The following TMEM178B variants were observed in gnomAD, a reference collection of about 807,000 sequenced individuals.
TMEM178B encodes transmembrane protein 178B.
In TMEM178B, 5 loss-of-function variants were observed where a neutral mutation model predicts 31.0. That is an observed-to-expected ratio of 0.16 (90% confidence interval 0.08 to 0.34). TMEM178B has a LOEUF of 0.34. TMEM178B is among the 10% of genes least tolerant of loss of function. The probability of loss-of-function intolerance (pLI) is 1.00; values close to 1 mark genes in which losing one functional copy is unlikely to be tolerated. For missense variants in TMEM178B, 275 were observed against 400.3 expected (o/e 0.69, Z 2.67); for synonymous variants, 164 against 164.0 (o/e 1.00, Z 0.00).
At chr7:141,356,328 C>T (rs1242869058) in intron 2 of TMEM178B, among the ~76,000 whole-genome samples, 3 of 152,028 alleles carry the variant, frequency 2.0e-5, no homozygotes, top group African/African-American at 7.2e-5. Context: ...AGTTTACATT[C>T]CCACAAATAG....
intron 1 of TMEM178B, among the ~76,000 whole-genome samples, chr7:141,083,813 G>A (rs1794731377): frequency 6.6e-6 from 1 of 151,862 alleles, no homozygotes; most frequent in Non-Finnish European, 1.5e-5. Context: ...ACACTCAATA[G>A]AGAAAGGAAC....
At chr7:141,258,764 T>G (rs1031698192) in intron 2 of TMEM178B, among the ~76,000 whole-genome samples, 7 of 152,226 alleles carry the variant, frequency 4.6e-5, no homozygotes, top group African/African-American at 1.4e-4. Context: ...CTTTCTTTCT[T>G]TCAGCCTTTA....
intron 2 of TMEM178B, among the ~76,000 whole-genome samples, chr7:141,424,236 A>G (rs182056329): frequency 1.3e-5 from 2 of 152,298 alleles, no homozygotes; most frequent in Admixed American, 1.3e-4. Context: ...ACGTCACTGA[A>G]AGCATCACAT....
chr7:141,156,530 T>C (rs1171671814), intron 1 of TMEM178B, among the ~76,000 whole-genome samples: 1 of 152,162 alleles, frequency 6.6e-6, no homozygotes, highest in African/African-American at 2.4e-5. Flanking sequence ...GATGGACACC[T>C]TGAAAGATGA....
At position 141,339,215 on chromosome 7, in the gene TMEM178B, G is replaced by T. The variant is rs372806466; in HGVS notation, c.497-98393G>T. On this transcript the variant is annotated intron_variant, in intron 2 of 3. Coordinates refer to ENST00000565468, the MANE Select transcript of TMEM178B (RefSeq NM_001195278.2). ...CTTGTCCCTGAGGAGTGGAAAGATGGCCCTTCCAAGGGATGGTGTCTGCAG... is the reference window on the plus strand; with the variant it reads ...CTTGTCCCTGAGGAGTGGAAAGATGTCCCTTCCAAGGGATGGTGTCTGCAG... 1.4e-4 allele frequency among the ~76,000 whole-genome samples: 21 copies of T among 152,342 alleles called. No homozygotes were observed. In the South Asian group the frequency reaches 3.9e-3, roughly 29 times the overall value.
the TMEM178B span, among the ~76,000 whole-genome samples, chr7:141,510,685 C>CAAAAAAAAAAAAAAA: frequency 4.8e-3 from 120 of 24,962 alleles, 24 homozygotes; most frequent in Non-Finnish European, 6.1e-3. Context: ...AACTCCGTCT[C>CAAAAAAAAAAAAAAA]AAAAAAAAAA....
chr7:141,484,262 G>A (rs909698905), downstream of TMEM178B, among the ~76,000 whole-genome samples: 2 of 152,190 alleles, frequency 1.3e-5, no homozygotes, highest in African/African-American at 2.4e-5. This position sits in a 1 kb window ranked among gnomAD's most constrained non-coding sequence, Gnocchi z 4.8. Flanking sequence ...CAGGAGAGGA[G>A]AAAATCTGGG....
intron 2 of TMEM178B, among the ~76,000 whole-genome samples, chr7:141,404,108 ATCC>A (rs1800837265): frequency 6.6e-6 from 1 of 152,178 alleles, no homozygotes; most frequent in Non-Finnish European, 1.5e-5. Context: ...GCTCGAGACC[ATCC>A]TGGCTAACAT....
At chr7:141,437,883 A>G (rs1801578111) in intron 3 of TMEM178B, 138 bp downstream of exon 3, 1 of 1,282,074 alleles carries the variant, frequency 7.8e-7, no homozygotes. Flanking sequence ...TTGGTTCACA[A>G]GCACTTCTTG....
At chr7:141,140,536 G>A (rs1795752851) in intron 1 of TMEM178B, among the ~76,000 whole-genome samples, 2 of 152,158 alleles carry the variant, frequency 1.3e-5, no homozygotes, top group African/African-American at 4.8e-5. Context: ...ATGAGCCAAT[G>A]TTATATCAGT....
intron 2 of TMEM178B, among the ~76,000 whole-genome samples, chr7:141,271,823 C>T (rs1241566362): frequency 6.6e-6 from 1 of 152,200 alleles, no homozygotes; most frequent in Non-Finnish European, 1.5e-5. Flanking sequence ...TCCTGTGAGG[C>T]AGGTTCCTCT....
intron 1 of TMEM178B, among the ~76,000 whole-genome samples, chr7:141,165,170 G>A (rs1173730222): frequency 8.8e-6 from 1 of 113,572 alleles, no homozygotes; most frequent in Admixed American, 9.2e-5. Flanking sequence ...TTAGAATTTT[G>A]CTTATTTTTA....
rs140489010 is a variant in TMEM178B, at chr7:141,077,478, A to G, written c.382+2786A>G. 3.5e-4 allele frequency among the ~76,000 whole-genome samples: 53 copies of G among 152,378 alleles called. 1 individual carries two copies. Among genetic ancestry groups the G allele is most frequent in the African/African-American group, 1.3e-3 (53 of 41,598 alleles). ...AAACCACATAATTAATAAGAAAACG[A>G]ACATCAAATCTATGTCTGATTTGAA... On this transcript the variant is annotated intron_variant, in intron 1 of 3. Transcript: ENST00000565468.
At chr7:141,294,992 G>C (rs953308010) in intron 2 of TMEM178B, among the ~76,000 whole-genome samples, 3 of 152,162 alleles carry the variant, frequency 2.0e-5, no homozygotes, top group Admixed American at 6.5e-5. Flanking sequence ...TAATTTTGCT[G>C]TTTTAATACC....
chr7:141,395,371 G>T (rs1800619397), intron 2 of TMEM178B, among the ~76,000 whole-genome samples: 1 of 152,196 alleles, frequency 6.6e-6, no homozygotes, highest in South Asian at 2.1e-4. Flanking sequence ...AGCCCAGGAG[G>T]TTGAGGCTGC....
intron 2 of TMEM178B, among the ~76,000 whole-genome samples, chr7:141,408,765 A>G (rs1359619535): frequency 6.6e-6 from 1 of 152,246 alleles, no homozygotes; most frequent in Admixed American, 6.5e-5. Flanking sequence ...CTGGCTGAGT[A>G]CAGAAGGCTT....
chr7:141,418,454 G>A (rs1302877981), intron 2 of TMEM178B, among the ~76,000 whole-genome samples: 1 of 152,104 alleles, frequency 6.6e-6, no homozygotes, highest in Admixed American at 6.5e-5. Context: ...ACAATGCCTG[G>A]CACACAATCA....
intron 2 of TMEM178B, among the ~76,000 whole-genome samples, chr7:141,335,811 T>C (rs1166301338): frequency 6.6e-6 from 1 of 152,080 alleles, no homozygotes; most frequent in African/African-American, 2.4e-5. Flanking sequence ...AGATGGTGTG[T>C]GTGTGTCCTA....
intron 3 of TMEM178B, among the ~76,000 whole-genome samples, chr7:141,442,435 A>G (rs1483537859): frequency 1.3e-5 from 2 of 152,182 alleles, no homozygotes; most frequent in South Asian, 2.1e-4. Flanking sequence ...TCCACTGTCA[A>G]TGGCCCAATA....
Sources: gnomAD v4.1 joint callset for allele counts (sites outside exome capture counted in the v4.1 genomes callset) on GRCh38, gnomAD v4.1.1 for gene constraint, Gnocchi (gnomAD v3.1) non-coding constraint, MANE v1.5 for transcripts, NCBI Gene and HGNC (gene_info 2026-07-23, HGNC 2026-07-21) for gene names.